RLBP1: variants seen among roughly 807,000 people sequenced by gnomAD.
RLBP1 encodes retinaldehyde-binding protein 1.
A neutral mutation model predicts 36.2 loss-of-function variants in RLBP1; 26 were observed. The observed-to-expected ratio is 0.72, with a 90% CI of 0.53 to 1.00. The LOEUF (loss-of-function observed/expected upper bound fraction) is 1.00, where lower values mean the gene tolerates loss of function less well. RLBP1 is among the 50% of genes least tolerant of loss of function. RLBP1 has a pLI of 0.00. For synonymous variants in RLBP1, 155 were observed against 156.2 expected (o/e 0.99, Z 0.06); for missense variants, 410 against 402.4 (o/e 1.02, Z -0.16).
At chr15:89,212,597 A>G (rs2051547342) in intron 6 of RLBP1, among the ~76,000 whole-genome samples, 1 of 141,820 alleles carries the variant, frequency 7.1e-6, no homozygotes, top group Non-Finnish European at 1.5e-5. Context: ...AAAAAAAAAA[A>G]AAAAAGAAAA....
chr15:89,218,804 T>C lies in RLBP1; in HGVS notation c.13-111A>G. 6.4e-7 allele frequency: 1 copy of C among 1,571,210 alleles called. No homozygotes were observed. Among genetic ancestry groups the C allele is most frequent in the South Asian group, 1.1e-5 (1 of 89,070 alleles). Reference sequence around the variant, plus strand: ...TTTTGCCCAAGGTCATTGTTAAGCCTCCTCCTTTTGTGGGGTCAGGACCCA... The same window carrying C: ...TTTTGCCCAAGGTCATTGTTAAGCCCCCTCCTTTTGTGGGGTCAGGACCCA... On this transcript the variant is annotated intron_variant, in intron 3 of 8. Coordinates refer to ENST00000268125, the MANE Select transcript of RLBP1 (RefSeq NM_000326.5). This position sits in a 1 kb window ranked among gnomAD's most constrained non-coding sequence, Gnocchi z 4.6.
In RLBP1 at chr15:89,215,252, A is replaced by G; in HGVS notation, c.347-14T>C. ...AATTCACATAGCCTGGAGGAAGGAG[A>G]GCAGAGGAACCCCCTCAGGGAGCCA... On this transcript the variant is annotated splice_polypyrimidine_tract_variant and intron_variant, in intron 5 of 8. Transcript: ENST00000268125. 1 of 1,613,910 alleles carries G rather than the reference A, an allele frequency of 6.2e-7. No homozygotes were observed. Among genetic ancestry groups the G allele is most frequent in the Middle Eastern group, 1.6e-4 (1 of 6,062 alleles).
intron 6 of RLBP1, among the ~76,000 whole-genome samples, chr15:89,212,585 C>CAA (rs112344412): frequency 9.0e-6 from 1 of 111,464 alleles, no homozygotes; most frequent in African/African-American, 3.3e-5. Context: ...AACTGTGTCT[C>CAA]AAAAAAAAAA....
Position 89,218,578 on chromosome 15 carries a change from T to TGGCG in RLBP1, c.124_127dup (p.His43ProfsTer10). The TGGCG allele has an allele frequency of 6.2e-7, 1 of 1,613,948 alleles. No individual in the cohort carries two copies. ...CAGCCACCTCACCTTCTGCAAGGTG[T>TGGCG]GGCGGGGCAGCTGGCTGCACGGGCC... On this transcript the variant is annotated frameshift_variant, in exon 4 of 9. Transcript: ENST00000268125. LOFTEE classifies it high-confidence loss of function. This position sits in a 1 kb window ranked among gnomAD's most constrained non-coding sequence, Gnocchi z 4.6.
rs2051606716 is a variant in RLBP1, at chr15:89,219,062, A to T, written c.-87T>A. On this transcript the variant is annotated 5_prime_UTR_variant, in exon 3 of 9. Coordinates refer to ENST00000268125, the MANE Select transcript of RLBP1 (RefSeq NM_000326.5). The stretch of plus-strand genomic sequence containing the variant: ...CTCTCCAGCCGGCCCCTTCCCTAGG[A>T]TAGGAAGTCAGGGCTGCAGGGGTTA... 1.3e-6 allele frequency: 2 copies of T among 1,533,954 alleles called. No individual in the cohort carries two copies. Among genetic ancestry groups the T allele is most frequent in the Admixed American group, 3.3e-5 (2 of 59,862 alleles).
intron 5 of RLBP1, among the ~76,000 whole-genome samples, chr15:89,216,585 G>A (rs1227680480): frequency 6.6e-6 from 1 of 152,180 alleles, no homozygotes; most frequent in African/African-American, 2.4e-5. Flanking sequence ...GCCTCGCAAA[G>A]TGCTGGGATT....
Position 89,219,109 on chromosome 15 carries a change from C to A in RLBP1, c.-100-34G>T, listed in dbSNP as rs1170258835. On this transcript the variant is annotated intron_variant, in intron 2 of 8. Coordinates refer to ENST00000268125, the MANE Select transcript of RLBP1 (RefSeq NM_000326.5). ...GTTAGAAAAACCATTCTGTTATTGT[C>A]TCAGAACTGTGGATCTCAAACTTTC... 4 of 1,021,346 alleles carry A rather than the reference C, an allele frequency of 3.9e-6. No homozygotes were observed. In the African/African-American group the frequency reaches 6.3e-5, roughly 16 times the overall value. The allele number at this position is 1,021,346 out of a possible 1,614,324, so 63.3% of individuals were successfully genotyped here.
Position 89,210,210 on chromosome 15 carries a change from T to A in RLBP1, c.*75A>T, listed in dbSNP as rs1269987567. The A allele has an allele frequency of 1.9e-6, 3 of 1,570,930 alleles. No individual in the cohort carries two copies. In the East Asian group the frequency reaches 6.7e-5, roughly 35 times the overall value. ...ACCACAGTCATCTCAAGCAGCCCTT[T>A]CCTAGCCTTGGGTCCAGGACAGTTG... On this transcript the variant is annotated 3_prime_UTR_variant, in exon 9 of 9. Coordinates refer to ENST00000268125, the MANE Select transcript of RLBP1 (RefSeq NM_000326.5). This position sits in a 1 kb window ranked among gnomAD's most constrained non-coding sequence, Gnocchi z 4.7.
In RLBP1 at chr15:89,211,645, C is replaced by T; in HGVS notation, c.684+98G>A. 1.5e-6 allele frequency: 2 copies of T among 1,327,132 alleles called. No homozygotes were observed. The highest frequency in any genetic ancestry group is 2.3e-5 in the East Asian group (1 of 43,628). 82.2% of individuals were successfully genotyped at this position (1,327,132 alleles called of 1,614,324 possible). On this transcript the variant is annotated intron_variant, in intron 7 of 8. Coordinates refer to ENST00000268125, the MANE Select transcript of RLBP1 (RefSeq NM_000326.5). The surrounding 1 kb of genome is among the most constrained non-coding windows in gnomAD (Gnocchi z 5.8). ...CTGCTCTTTATGGCGCGAGGTGGTCCAACTTCTCAGTTCCCTGCAAGCACC... is the reference window on the plus strand; with the variant it reads ...CTGCTCTTTATGGCGCGAGGTGGTCTAACTTCTCAGTTCCCTGCAAGCACC...
At position 89,210,584 on chromosome 15, in the gene RLBP1, T is replaced by A; in HGVS notation, c.795+115A>T. 8.0e-7 allele frequency: 1 copy of A among 1,245,446 alleles called. No homozygotes were observed. The allele number at this position is 1,245,446 out of a possible 1,614,324, so 77.1% of individuals were successfully genotyped here. On this transcript the variant is annotated intron_variant, in intron 8 of 8. Transcript: ENST00000268125. This position sits in a 1 kb window ranked among gnomAD's most constrained non-coding sequence, Gnocchi z 4.7. ...ACACCTCTCTCCGCAGGTCTCCATG[T>A]TGGGTGTCAGTGGGATCCACATAGC...
Position 89,210,501 on chromosome 15 carries a change from T to G in RLBP1, c.796-58A>C, listed in dbSNP as rs901984842. 6.3e-7 allele frequency: 1 copy of G among 1,592,694 alleles called. No individual in the cohort carries two copies. The highest frequency in any genetic ancestry group is 8.6e-7 in the Non-Finnish European group (1 of 1,161,592). On this transcript the variant is annotated intron_variant, in intron 8 of 8. Transcript: ENST00000268125. The surrounding 1 kb of genome is among the most constrained non-coding windows in gnomAD (Gnocchi z 4.7). ...GGAGGAGGTGCCCTAAGGATGAGGGTTGAGGGAGGAAAGGGGCAGGAGGAC... is the reference window on the plus strand; with the variant it reads ...GGAGGAGGTGCCCTAAGGATGAGGGGTGAGGGAGGAAAGGGGCAGGAGGAC...
rs144723732 is a variant in RLBP1, at chr15:89,212,441, G to A, written c.526-540C>T. ...AACTAAAAATACAAAAAAATCAGCT[G>A]AGCATGGTGGCAGGCACCTGTAATC... On this transcript the variant is annotated intron_variant, in intron 6 of 8. Coordinates refer to ENST00000268125, the MANE Select transcript of RLBP1 (RefSeq NM_000326.5). Among the ~76,000 whole-genome samples the A allele has an allele frequency of 3.7e-3, 557 of 151,964 alleles. 3 individuals are homozygous for A. Among genetic ancestry groups the A allele is most frequent in the African/African-American group, 0.013 (529 of 41,464 alleles).
chr15:89,215,614 G>C (rs1355928263), intron 5 of RLBP1, among the ~76,000 whole-genome samples: 1 of 152,188 alleles, frequency 6.6e-6, no homozygotes, highest in Non-Finnish European at 1.5e-5. Flanking sequence ...GATAAGCTGA[G>C]TGGTGAGGTG....
chr15:89,210,734 C>T lies in RLBP1; in HGVS notation c.760G>A (p.Val254Ile). 1 of 1,602,326 alleles carries T rather than the reference C, an allele frequency of 6.2e-7. No individual in the cohort carries two copies. The highest frequency in any genetic ancestry group is 1.1e-5 in the South Asian group (1 of 88,996). The change falls in exon 8 of 9, where the codon GTC becomes ATC. Residue 254 changes from valine to isoleucine, a missense_variant. Val to Ile is a conservative substitution (Grantham distance 29, BLOSUM62 3). Transcript: ENST00000268125. The surrounding 1 kb of genome is among the most constrained non-coding windows in gnomAD (Gnocchi z 4.7). The stretch of plus-strand genomic sequence containing the variant: ...AGCTTGCTCTTCAAGAAGGGCTTGA[C>T]CACATTGTAGGTCGTGGTGAAGTAC... Reference protein sequence around the residue: ...PWYFTTTYNVVKPFLKSKLLE... With the variant: ...PWYFTTTYNVIKPFLKSKLLE...
chr15:89,210,824 A>T lies in RLBP1; in HGVS notation c.685-15T>A. ...GGGAAGGAATCCTGCGGTGACAGAG[A>T]GATACCCCGTTCCCCATGGCCCCAG... On this transcript the variant is annotated splice_polypyrimidine_tract_variant and intron_variant, in intron 7 of 8. Coordinates refer to ENST00000268125, the MANE Select transcript of RLBP1 (RefSeq NM_000326.5). This position sits in a 1 kb window ranked among gnomAD's most constrained non-coding sequence, Gnocchi z 4.7. 1 of 1,540,910 alleles carries T rather than the reference A, an allele frequency of 6.5e-7. No homozygotes were observed. Among genetic ancestry groups the T allele is most frequent in the Non-Finnish European group, 8.8e-7 (1 of 1,131,352 alleles).
Position 89,214,918 on chromosome 15 carries a change from G to A in RLBP1, c.525+142C>T. 2.4e-6 allele frequency: 2 copies of A among 828,630 alleles called. No individual in the cohort carries two copies. The highest frequency in any genetic ancestry group is 3.0e-5 in the South Asian group (2 of 67,048). The allele number at this position is 828,630 out of a possible 1,614,324, so 51.3% of individuals were successfully genotyped here. On this transcript the variant is annotated intron_variant, in intron 6 of 8. Transcript: ENST00000268125. The surrounding 1 kb of genome is among the most constrained non-coding windows in gnomAD (Gnocchi z 4.6). ...AGGAATTCTCTCCCTGCCTGGAAAG[G>A]GCTAGGTGGCAGGTGGCTGCCCACC...
chr15:89,213,981 C>G (rs1302481236), intron 6 of RLBP1, among the ~76,000 whole-genome samples: 3 of 152,130 alleles, frequency 2.0e-5, no homozygotes, highest in Non-Finnish European at 4.4e-5. Context: ...CACAAAATCT[C>G]TATCATCGAA....
intron 5 of RLBP1, among the ~76,000 whole-genome samples, chr15:89,216,469 T>C (rs1355844315): frequency 2.0e-5 from 3 of 152,196 alleles, no homozygotes; most frequent in East Asian, 1.9e-4. Flanking sequence ...ATTACAGGCA[T>C]GCGCCACCAC....
rs957872223 is a variant in RLBP1 at position 89,218,247 on chromosome 15, A to G, written c.141+318T>C. On this transcript the variant is annotated intron_variant, in intron 4 of 8. Coordinates refer to ENST00000268125, the MANE Select transcript of RLBP1 (RefSeq NM_000326.5). The surrounding 1 kb of genome is among the most constrained non-coding windows in gnomAD (Gnocchi z 4.6). ...AACTCAAGTCTCTTGCCTGTCTAGCAGGGGCAGCAGTTGGATCCTTGTTCC... is the reference window on the plus strand; with the variant it reads ...AACTCAAGTCTCTTGCCTGTCTAGCGGGGGCAGCAGTTGGATCCTTGTTCC... Among the ~76,000 whole-genome samples the G allele has an allele frequency of 6.6e-6, 1 of 152,240 alleles. No homozygotes were observed. The highest frequency in any genetic ancestry group is 2.4e-5 in the African/African-American group (1 of 41,478).
Sources: gnomAD v4.1 joint callset for allele counts (sites outside exome capture counted in the v4.1 genomes callset) on GRCh38, gnomAD v4.1.1 for gene constraint, Gnocchi (gnomAD v3.1) non-coding constraint, MANE v1.5 for transcripts, NCBI Gene and HGNC (gene_info 2026-07-23, HGNC 2026-07-21) for gene names.